Variants in C6orf132 observed in about 807,000 individuals in gnomAD.
C6orf132 encodes uncharacterized protein C6orf132.
In C6orf132, 43 loss-of-function variants were observed where a neutral mutation model predicts 65.3. The ratio of observed to expected loss-of-function variants is 0.66; its 90% CI spans 0.52 to 0.85. The LOEUF (loss-of-function observed/expected upper bound fraction) is 0.85, where lower values mean the gene tolerates loss of function less well. Among genes scored for constraint, C6orf132 ranks in the 40% least tolerant of loss-of-function variants. The probability of loss-of-function intolerance (pLI) is 0.00; values close to 1 mark genes in which losing one functional copy is unlikely to be tolerated. For missense variants in C6orf132, 1,488 were observed against 1,548.8 expected (o/e 0.96, Z 0.66); for synonymous variants, 631 against 654.1 (o/e 0.96, Z 0.54).
intron 1 of C6orf132, among the ~76,000 whole-genome samples, chr6:42,137,526 G>T (rs958507963): frequency 1.3e-5 from 2 of 152,080 alleles, no homozygotes; most frequent in African/African-American, 4.8e-5. Flanking sequence ...AGGAGACCCA[G>T]GGAACAGGAA....
chr6:42,136,295 A>G (rs1028466308), intron 1 of C6orf132, among the ~76,000 whole-genome samples: 5 of 152,062 alleles, frequency 3.3e-5, no homozygotes, highest in African/African-American at 1.2e-4. Context: ...CTGTAAAATG[A>G]GGATGATACT....
chr6:42,106,881 A>C lies in C6orf132; in HGVS notation c.1031T>G (p.Phe344Cys). The C allele has an allele frequency of 6.5e-7, 1 of 1,531,858 alleles. No individual in the cohort carries two copies. The highest frequency in any genetic ancestry group is 8.7e-7 in the Non-Finnish European group (1 of 1,144,564). 94.9% of individuals were successfully genotyped at this position (1,531,858 alleles called of 1,614,324 possible). ...GACCTGGGAGGCGGGGCGGATGTGG[A>C]AGCTGGGAGGCAGTGGGAGTCGGCT... ...APSRLPLPPSFHIRPASQVYP... is the reference protein window; with the variant it reads ...APSRLPLPPSCHIRPASQVYP... The change falls in exon 4 of 5, where the codon TTC (phenylalanine) becomes TGC (cysteine). Residue 344 changes from phenylalanine to cysteine, a missense_variant. Physicochemically the swap from Phe to Cys is radical, Grantham distance 205 (BLOSUM62 -2). Transcript: ENST00000341865.
At chr6:42,135,704 A>G (rs894582887) in intron 1 of C6orf132, among the ~76,000 whole-genome samples, 5 of 152,274 alleles carry the variant, frequency 3.3e-5, no homozygotes, top group African/African-American at 1.2e-4. Flanking sequence ...GATTAATTAA[A>G]TACTTAAATG....
Position 42,104,857 on chromosome 6 carries a change from C to T in C6orf132, c.3055G>A (p.Asp1019Asn), listed in dbSNP as rs1766364106. 1 of 1,454,222 alleles carries T rather than the reference C, an allele frequency of 6.9e-7. No individual in the cohort carries two copies. Among genetic ancestry groups the T allele is most frequent in the Non-Finnish European group, 9.0e-7 (1 of 1,108,960 alleles). The allele number at this position is 1,454,222 out of a possible 1,614,324, so 90.1% of individuals were successfully genotyped here. Reference sequence around the variant, plus strand: ...CCAGCGTTCGGGAGCTGCCTCAAGTCTGAGTAGTTGTTCCGGGGAGGGGAG... The same window carrying T: ...CCAGCGTTCGGGAGCTGCCTCAAGTTTGAGTAGTTGTTCCGGGGAGGGGAG... ...QSSPPRNNYS[D>N]LRQLPNAGPG... The change falls in exon 4 of 5, where the codon GAC (aspartate) becomes AAC (asparagine). Residue 1019 changes from aspartate to asparagine, a missense_variant. Physicochemically the swap from Asp to Asn is conservative, Grantham distance 23. Transcript: ENST00000341865. This position sits in a 1 kb window ranked among gnomAD's most constrained non-coding sequence, Gnocchi z 4.1.
In C6orf132 at chr6:42,142,489, T is replaced by TAG; in HGVS notation, c.-46_-45insCT. 2 of 1,501,128 alleles carry TAG rather than the reference T, an allele frequency of 1.3e-6. No individual in the cohort carries two copies. Among genetic ancestry groups the TAG allele is most frequent in the Non-Finnish European group, 1.8e-6 (2 of 1,117,372 alleles). 93.0% of individuals were successfully genotyped at this position (1,501,128 alleles called of 1,614,324 possible). A position where few individuals can be genotyped will look rare whatever the true frequency, so the allele number is the denominator to read the frequency against. On this transcript the variant is annotated 5_prime_UTR_variant, in exon 1 of 5. Coordinates refer to ENST00000341865, the MANE Select transcript of C6orf132 (RefSeq NM_001164446.3). The stretch of plus-strand genomic sequence containing the variant: ...GCGCCAGGGAAGGACCTTCCCTCCC[T>TAG]CGCCCTGCCCTGCCCCGGACTGAAC...
At chr6:42,133,295 C>A (rs1007267617) in intron 1 of C6orf132, among the ~76,000 whole-genome samples, 2 of 152,248 alleles carry the variant, frequency 1.3e-5, no homozygotes, top group Non-Finnish European at 2.9e-5. Flanking sequence ...GCTCTCGGAA[C>A]AAGACTGCAG....
At chr6:42,131,996 G>A (rs1351844117) in intron 1 of C6orf132, among the ~76,000 whole-genome samples, 1 of 152,094 alleles carries the variant, frequency 6.6e-6, no homozygotes, top group Non-Finnish European at 1.5e-5. Context: ...CAGAGGTGGG[G>A]TGATGCGCTG....
chr6:42,126,654 C>CA, intron 2 of C6orf132: 1 of 237,204 alleles, frequency 4.2e-6, no homozygotes, highest in Non-Finnish European at 8.0e-6. Context: ...CCAGCCTGGC[C>CA]AAAATGGTGA....
At chr6:42,128,641 C>T (rs375219630) in intron 2 of C6orf132, 31 bp downstream of exon 2, 60 of 1,521,460 alleles carry the variant, frequency 3.9e-5, no homozygotes, top group Non-Finnish European at 5.4e-5. Context: ...CCAGAGCAGA[C>T]TCTCCAACCT....
chr6:42,139,044 G>A (rs1483035235), intron 1 of C6orf132, among the ~76,000 whole-genome samples: 5 of 152,098 alleles, frequency 3.3e-5, no homozygotes, highest in Non-Finnish European at 7.4e-5. Context: ...GCATTTACCC[G>A]CTGTACCCAG....
chr6:42,138,850 AACACACAC>A (rs59373265), intron 1 of C6orf132, among the ~76,000 whole-genome samples: 4 of 142,862 alleles, frequency 2.8e-5, no homozygotes, highest in East Asian at 2.1e-4. Context: ...CATGCATTTA[AACACACAC>A]ACACACACAC....
intron 1 of C6orf132, among the ~76,000 whole-genome samples, chr6:42,141,214 G>C (rs1416296029): frequency 6.6e-6 from 1 of 152,220 alleles, no homozygotes; most frequent in Non-Finnish European, 1.5e-5. Flanking sequence ...GTGGCAACCT[G>C]CATGCTGAAC....
chr6:42,127,795 AT>A (rs1350755121), intron 2 of C6orf132, among the ~76,000 whole-genome samples: 2 of 152,192 alleles, frequency 1.3e-5, no homozygotes, highest in Non-Finnish European at 2.9e-5. Flanking sequence ...AGCACTTAAA[AT>A]GTCTCAGTCT....
Position 42,106,405 on chromosome 6 carries a change from C to G in C6orf132, c.1507G>C (p.Gly503Arg), listed in dbSNP as rs775885975. The G allele has an allele frequency of 1.5e-5, 23 of 1,535,990 alleles. No homozygotes were observed. In the South Asian group the frequency reaches 2.6e-4, roughly 17 times the overall value. The change falls in exon 4 of 5, where the codon GGC becomes CGC. Residue 503 changes from glycine to arginine, a missense_variant. Transcript: ENST00000341865. The part of the protein sequence containing the change: ...GPTVAPQSKE[G>R]KKGPRLPEKE... ...TCAGGCAGGCGGGGGCCCTTCTTGC[C>G]CTCCTTGCTCTGAGGGGCCACTGTT...
intron 2 of C6orf132, among the ~76,000 whole-genome samples, chr6:42,114,334 C>A (rs1766534770): frequency 6.6e-6 from 1 of 152,194 alleles, no homozygotes; most frequent in Non-Finnish European, 1.5e-5. Flanking sequence ...CAAAGGCCAG[C>A]CTCATCCCTT....
intron 2 of C6orf132, among the ~76,000 whole-genome samples, chr6:42,115,928 CT>C (rs1273830435): frequency 2.6e-5 from 3 of 117,584 alleles, no homozygotes; most frequent in Admixed American, 2.6e-4. Context: ...TTTTCTTTTT[CT>C]TTTTCTTTTT....
In C6orf132 at chr6:42,106,307, G is replaced by A; in HGVS notation, c.1605C>T (p.Ser535=). ...GGGCAGCCTCTGTCTCTGTCAGGCT[G>A]CTGCCGCCAAGACTCTTTTCAGGAA... ...PGVPEKSLGG[S]SLTETEAAPS... The change falls in exon 4 of 5, where the codon AGC becomes AGT. Residue 535 remains serine (S), a synonymous_variant. Coordinates refer to ENST00000341865, the MANE Select transcript of C6orf132 (RefSeq NM_001164446.3). 1 of 1,536,694 alleles carries A rather than the reference G, an allele frequency of 6.5e-7. No individual in the cohort carries two copies. Among genetic ancestry groups the A allele is most frequent in the Non-Finnish European group, 8.7e-7 (1 of 1,146,874 alleles).
At chr6:42,120,627 T>G (rs1484342454) in intron 2 of C6orf132, among the ~76,000 whole-genome samples, 2 of 150,754 alleles carry the variant, frequency 1.3e-5, no homozygotes, top group South Asian at 4.2e-4. Flanking sequence ...TTTTTTGGGG[T>G]TTTTTGTTTT....
At chr6:42,127,927 CTT>C (rs70987570) in intron 2 of C6orf132, among the ~76,000 whole-genome samples, 5,460 of 142,726 alleles carry the variant, frequency 0.038, 296 homozygotes, top group African/African-American at 0.13. Context: ...CAATGACACT[CTT>C]TTTTTTTTTT....
Sources: gnomAD v4.1 joint callset for allele counts (sites outside exome capture counted in the v4.1 genomes callset) on GRCh38, gnomAD v4.1.1 for gene constraint, Gnocchi (gnomAD v3.1) non-coding constraint, MANE v1.5 for transcripts, NCBI Gene and HGNC (gene_info 2026-07-23, HGNC 2026-07-21) for gene names.